The following NFIA variants were observed in gnomAD, a reference collection of about 807,000 sequenced individuals.
NFIA encodes the protein nuclear factor 1 A-type.
NFIA carries 8 observed loss-of-function variants against 62.8 expected under a neutral mutation model. That is an observed-to-expected ratio of 0.13 (90% confidence interval 0.07 to 0.23). NFIA has a LOEUF of 0.23. Ranked by LOEUF, NFIA falls within the 10% of genes least tolerant of loss-of-function variation. The pLI is 1.00. For missense variants in NFIA, 410 were observed against 642.1 expected (o/e 0.64, Z 3.91); for synonymous variants, 235 against 238.1 (o/e 0.99, Z 0.12).
At chr1:61,371,216 G>A (rs532198913) in intron 6 of NFIA, among the ~76,000 whole-genome samples, 6 of 152,238 alleles carry the variant, frequency 3.9e-5, no homozygotes, top group East Asian at 1.9e-4. Context: ...CAAAATCCAC[G>A]TGTAAGGCTT....
chr1:61,240,472 A>C (rs1417331544), intron 2 of NFIA, among the ~76,000 whole-genome samples: 1 of 152,072 alleles, frequency 6.6e-6, no homozygotes, highest in Non-Finnish European at 1.5e-5. Context: ...GAGTAGGTTC[A>C]CAGGCTAGCT....
intron 4 of NFIA, among the ~76,000 whole-genome samples, chr1:61,336,872 C>CTT (rs1458739645): frequency 3.9e-5 from 6 of 152,198 alleles, no homozygotes; most frequent in Admixed American, 1.3e-4. Flanking sequence ...GAAAATTTCA[C>CTT]AGTCATCATT....
intron 6 of NFIA, among the ~76,000 whole-genome samples, chr1:61,369,306 G>A (rs146828817): frequency 6.6e-6 from 1 of 152,216 alleles, no homozygotes; most frequent in African/African-American, 2.4e-5. Flanking sequence ...AATAGATTGG[G>A]TAGAATACAA....
intron 2 of NFIA, among the ~76,000 whole-genome samples, chr1:61,218,784 T>TCACA (rs1653814625): frequency 6.6e-6 from 1 of 152,374 alleles, no homozygotes; most frequent in Admixed American, 6.5e-5. Context: ...TGATGGTCAC[T>TCACA]GAGTTTGTTT....
intron 2 of NFIA, among the ~76,000 whole-genome samples, chr1:61,219,889 G>C (rs1344751548): frequency 6.6e-6 from 1 of 152,120 alleles, no homozygotes; most frequent in South Asian, 2.1e-4. Flanking sequence ...CTTGGACCCG[G>C]GAGGCAGAGG....
chr1:61,431,035 G>A (rs1222394065), intron 10 of NFIA, among the ~76,000 whole-genome samples: 1 of 152,060 alleles, frequency 6.6e-6, no homozygotes, highest in Non-Finnish European at 1.5e-5. Context: ...CATATAGAAA[G>A]GTCTCTGGGG....
intron 2 of NFIA, among the ~76,000 whole-genome samples, chr1:61,223,611 T>TAG (rs1654152172): frequency 6.6e-6 from 1 of 152,122 alleles, no homozygotes; most frequent in Non-Finnish European, 1.5e-5. Flanking sequence ...CTTGTTGACT[T>TAG]TCTCTGAGAT....
chr1:61,321,620 T>C (rs1660682334), intron 3 of NFIA, among the ~76,000 whole-genome samples: 1 of 152,130 alleles, frequency 6.6e-6, no homozygotes, highest in Non-Finnish European at 1.5e-5. Context: ...GGTAGACATA[T>C]TCAGGGAAAT....
chr1:61,139,765 A>G (rs985428425), intron 2 of NFIA, among the ~76,000 whole-genome samples: 2 of 150,790 alleles, frequency 1.3e-5, no homozygotes, highest in Non-Finnish European at 2.9e-5. Flanking sequence ...TTAAAAGACT[A>G]TGTCATGAGC....
rs80194842 is a variant in NFIA, at chr1:61,388,839, G to T, written c.1075+5474G>T. On this transcript the variant is annotated intron_variant, in intron 7 of 10. Transcript: ENST00000403491. Reference sequence around the variant, plus strand: ...CATACAAAAACAAGTATGTGGCTAGGTATGGTGACTCACACTTGTAATCCC... The same window carrying T: ...CATACAAAAACAAGTATGTGGCTAGTTATGGTGACTCACACTTGTAATCCC... Among the ~76,000 whole-genome samples, 603 of 152,306 alleles carry T rather than the reference G, an allele frequency of 4.0e-3. 3 individuals carry two copies. The highest frequency in any genetic ancestry group is 6.9e-3 in the Non-Finnish European group (468 of 68,030).
rs116895970 is a variant in NFIA at position 61,115,124 on chromosome 1, C to T, written c.559+26444C>T. Among the ~76,000 whole-genome samples the T allele has an allele frequency of 1.7e-3, 260 of 152,226 alleles. 2 individuals carry two copies. The East Asian group carries it at 0.024, about 14-fold the overall frequency. On this transcript the variant is annotated intron_variant, in intron 2 of 10. Coordinates refer to ENST00000403491, the MANE Select transcript of NFIA (RefSeq NM_001134673.4). ...CTTCCTGAGTAGCTGGGATTACAGG[C>T]AAAGGCCACCACGCCCAGCTAACTT...
At chr1:61,106,889 G>T (rs1646610256) in intron 2 of NFIA, among the ~76,000 whole-genome samples, 1 of 150,580 alleles carries the variant, frequency 6.6e-6, no homozygotes, top group African/African-American at 2.4e-5. Context: ...TAAATATATT[G>T]TTCAGTTTTG....
intron 2 of NFIA, among the ~76,000 whole-genome samples, chr1:61,197,579 C>T (rs908073935): frequency 1.3e-5 from 2 of 151,586 alleles, no homozygotes; most frequent in Admixed American, 1.3e-4. Flanking sequence ...ACCTCAAAAA[C>T]ACTCTGTAGA....
At chr1:61,100,504 C>G (rs1646489919) in intron 2 of NFIA, among the ~76,000 whole-genome samples, 1 of 152,138 alleles carries the variant, frequency 6.6e-6, no homozygotes, top group African/African-American at 2.4e-5. Flanking sequence ...CCTCAGAAAT[C>G]AAGATTTTAG....
chr1:61,445,983 C>G (rs181216172), intron 10 of NFIA, among the ~76,000 whole-genome samples: 2 of 152,098 alleles, frequency 1.3e-5, no homozygotes, highest in Admixed American at 1.3e-4. Flanking sequence ...AAGATAGGAA[C>G]AGTTTTACCT....
chr1:61,316,065 T>G (rs2100357881), intron 3 of NFIA, among the ~76,000 whole-genome samples: 1 of 152,296 alleles, frequency 6.6e-6, no homozygotes, highest in East Asian at 1.9e-4. Context: ...AAGCCAATCT[T>G]CAAAATCAAG....
chr1:61,391,435 AACACACAC>A (rs60938787), intron 7 of NFIA, among the ~76,000 whole-genome samples: 5,417 of 124,606 alleles, frequency 0.043, 118 homozygotes, highest in Middle Eastern at 0.087. Context: ...TTATGAATCA[AACACACAC>A]ACACACACAC....
At chr1:61,149,589 A>G (rs191749190) in intron 2 of NFIA, among the ~76,000 whole-genome samples, 1 of 152,306 alleles carries the variant, frequency 6.6e-6, no homozygotes, top group Non-Finnish European at 1.5e-5. Context: ...TTAAATTACT[A>G]AGCCAGTGTG....
chr1:61,243,795 A>C (rs940967481), intron 2 of NFIA, among the ~76,000 whole-genome samples: 1 of 152,218 alleles, frequency 6.6e-6, no homozygotes, highest in African/African-American at 2.4e-5. Flanking sequence ...GCAAATTCCC[A>C]CATCACCATT....
Sources: allele counts gnomAD v4.1 joint callset (sites outside exome capture counted in the v4.1 genomes callset), GRCh38; gene constraint gnomAD v4.1.1; transcripts MANE v1.5; gene names NCBI Gene and HGNC (gene_info 2026-07-23, HGNC 2026-07-21).